EPHA4: variants seen among roughly 807,000 people sequenced by gnomAD.
The protein encoded by EPHA4 is ephrin type-A receptor 4.
Under a neutral mutation model 108.3 loss-of-function variants are expected in EPHA4, and 19 were observed. The observed-to-expected ratio is 0.18, with a 90% confidence interval of 0.12 to 0.26. The LOEUF (loss-of-function observed/expected upper bound fraction) is 0.26. Among genes scored for constraint, EPHA4 ranks in the 10% least tolerant of loss-of-function variants. The pLI, the probability that EPHA4 is intolerant of heterozygous loss-of-function variation, is 1.00. For missense variants in EPHA4, 917 were observed against 1,254.0 expected (o/e 0.73, Z 4.06); for synonymous variants, 449 against 455.5 (o/e 0.99, Z 0.18).
intron 4 of EPHA4, among the ~76,000 whole-genome samples, chr2:221,483,737 T>G (rs1488184516): frequency 6.6e-6 from 1 of 152,084 alleles, no homozygotes; most frequent in Non-Finnish European, 1.5e-5. Context: ...TGATTTCAAG[T>G]GATCGGCCTA....
chr2:221,572,063 T>C (rs1312301086), intron 1 of EPHA4, 95 bp downstream of exon 1: 4 of 1,016,250 alleles, frequency 3.9e-6, no homozygotes, highest in Admixed American at 1.8e-5. Context: ...CACACTGGGC[T>C]CCCCCCGCAC....
At chr2:221,498,081 T>C (rs1692354917) in intron 4 of EPHA4, among the ~76,000 whole-genome samples, 1 of 152,202 alleles carries the variant, frequency 6.6e-6, no homozygotes, top group African/African-American at 2.4e-5. Context: ...CACAGACATA[T>C]GGCCATCTTT....
rs1691895933 is a variant in EPHA4, at chr2:221,483,603, C to A, written c.980-913G>T. Among the ~76,000 whole-genome samples, 7 of 151,736 alleles carry A rather than the reference C, an allele frequency of 4.6e-5. No homozygotes were observed. In the South Asian group the frequency reaches 1.5e-3, roughly 32 times the overall value. On this transcript the variant is annotated intron_variant, in intron 4 of 17. Coordinates refer to ENST00000281821, the MANE Select transcript of EPHA4 (RefSeq NM_004438.5). ...TGATCTCAGCTCACTGCAACTTTCA[C>A]CTCCCAGGTTCAAGCGATTATCATG... is the stretch of plus-strand genomic sequence containing the variant.
At chr2:221,573,178 GAAGTGAAAGGCTT>G (rs1694901793), upstream of EPHA4, 2 of 152,460 alleles carry the variant, frequency 1.3e-5, no homozygotes, top group African/African-American at 4.8e-5. The surrounding 1 kb of genome is among the most constrained non-coding windows in gnomAD (Gnocchi z 4.5). Context: ...CGGTGGGGTA[GAAGTGAAAGGCTT>G]AAGTGTGGGT....
At chr2:221,457,809 C>T (rs1374486794) in intron 6 of EPHA4, 57 bp downstream of exon 6, 4 of 1,575,650 alleles carry the variant, frequency 2.5e-6, no homozygotes, top group African/African-American at 2.7e-5. Flanking sequence ...AAGAAGAAAA[C>T]AAAGAAGGAA....
intron 17 of EPHA4, among the ~76,000 whole-genome samples, chr2:221,422,618 G>A (rs115846315): frequency 5.9e-5 from 9 of 152,318 alleles, no homozygotes; most frequent in Non-Finnish European, 8.8e-5. Flanking sequence ...GATACGAGTT[G>A]AGTGAAATAA....
intron 3 of EPHA4, among the ~76,000 whole-genome samples, chr2:221,540,932 CTTTTTTTTTTTTT>C (rs762353327): frequency 9.9e-5 from 12 of 120,630 alleles, no homozygotes; most frequent in Non-Finnish European, 8.6e-5. Flanking sequence ...GGAAAACTGT[CTTTTTTTTTTTTT>C]TTTTTTTGAG....
At position 221,564,112 on chromosome 2, in the gene EPHA4, T is replaced by C. The variant is rs1221547125; in HGVS notation, c.442A>G (p.Ile148Val). Residue 148 changes from isoleucine (I) to valine (V), a missense_variant, in exon 3 of 18, where the codon ATT (isoleucine) becomes GTT (valine). Physicochemically the swap from Ile to Val is conservative, Grantham distance 29. Around this residue, in one of 3 missense-constraint regions of EPHA4, gnomAD observed 758 missense variants for 1,076.7 expected, o/e 0.70. Transcript: ENST00000281821. ...RENQFVKIDT[I>V]AADESFTQVD... is the part of the protein sequence containing the mutation. The stretch of plus-strand genomic sequence containing the variant: ...TGGGTGAAGCTCTCATCAGCAGCAA[T>C]GGTGTCAATTTTGACAAACTGGTTC... 6.2e-7 allele frequency: 1 copy of C among 1,614,038 alleles called. No homozygotes were observed. The highest frequency in any genetic ancestry group is 8.5e-7 in the Non-Finnish European group (1 of 1,180,040).
intron 4 of EPHA4, among the ~76,000 whole-genome samples, chr2:221,494,297 G>T (rs1269533593): frequency 1.3e-5 from 2 of 152,222 alleles, no homozygotes; most frequent in East Asian, 3.9e-4. Context: ...ATACAATAAG[G>T]GGTTGGAAAA....
At chr2:221,534,258 A>G (rs1208679652) in intron 3 of EPHA4, among the ~76,000 whole-genome samples, 1 of 152,232 alleles carries the variant, frequency 6.6e-6, no homozygotes, top group Non-Finnish European at 1.5e-5. Flanking sequence ...GCCTGTAATT[A>G]GTAAATCATT....
chr2:221,511,671 C>A (rs1304649215), intron 3 of EPHA4, among the ~76,000 whole-genome samples: 2 of 152,070 alleles, frequency 1.3e-5, no homozygotes, highest in Admixed American at 6.6e-5. Flanking sequence ...GCTGAAGTTG[C>A]TAATAGGAAT....
chr2:221,483,436 ATAATAT>A (rs939081068), intron 4 of EPHA4, among the ~76,000 whole-genome samples: 1 of 152,168 alleles, frequency 6.6e-6, no homozygotes, highest in African/African-American at 2.4e-5. Context: ...TGGTTAAAAA[ATAATAT>A]TAATAATAAA....
chr2:221,539,790 G>A (rs758234450), intron 3 of EPHA4, among the ~76,000 whole-genome samples: 3 of 152,214 alleles, frequency 2.0e-5, no homozygotes, highest in Admixed American at 6.5e-5. Flanking sequence ...AGGAAGACTT[G>A]TAATCCCCCA....
At chr2:221,565,656 C>T (rs2106210465) in intron 2 of EPHA4, among the ~76,000 whole-genome samples, 1 of 152,194 alleles carries the variant, frequency 6.6e-6, no homozygotes, top group Non-Finnish European at 1.5e-5. Context: ...GGACCATAAG[C>T]CATAAAATTC....
intron 5 of EPHA4, among the ~76,000 whole-genome samples, chr2:221,464,648 A>G (rs553918122): frequency 1.3e-5 from 2 of 152,272 alleles, no homozygotes; most frequent in African/African-American, 4.8e-5. Flanking sequence ...CATACACATG[A>G]TTTTGTTTGC....
chr2:221,449,889 C>A (rs1690726837), intron 8 of EPHA4, among the ~76,000 whole-genome samples: 2 of 152,188 alleles, frequency 1.3e-5, no homozygotes, highest in Non-Finnish European at 2.9e-5. Flanking sequence ...TAGCATGGCT[C>A]CAGGAGGTCC....
intron 5 of EPHA4, among the ~76,000 whole-genome samples, chr2:221,470,596 A>G (rs1559254950): frequency 1.7e-5 from 1 of 58,812 alleles, no homozygotes; most frequent in Non-Finnish European, 3.5e-5. Context: ...TCCCTAAAGT[A>G]TCACTTTAGG....
chr2:221,488,788 G>A (rs5002064), intron 4 of EPHA4, among the ~76,000 whole-genome samples: 64,030 of 151,896 alleles, frequency 0.42, 13,579 homozygotes, highest in East Asian at 0.53. Context: ...CTTCTCTGGG[G>A]AAAAAAACAA....
intron 4 of EPHA4, among the ~76,000 whole-genome samples, chr2:221,487,992 G>A (rs13026378): frequency 0.42 from 63,255 of 151,664 alleles, 13,246 homozygotes; most frequent in East Asian, 0.53. Flanking sequence ...TTGCACAGGG[G>A]CCGGCATAAT....
Sources: gnomAD v4.1 joint callset for allele counts (sites outside exome capture counted in the v4.1 genomes callset) on GRCh38, gnomAD v4.1.1 for gene constraint, gnomAD v4.1.1 regional missense constraint, Gnocchi (gnomAD v3.1) non-coding constraint, MANE v1.5 for transcripts, NCBI Gene and HGNC (gene_info 2026-07-23, HGNC 2026-07-21) for gene names.